The following MYO16 variants were observed in gnomAD, a reference collection of about 807,000 sequenced individuals.
MYO16 encodes the protein myosin XVI.
In MYO16, 94 loss-of-function variants were observed where a neutral mutation model predicts 205.3. The observed-to-expected ratio is 0.46, with a 90% confidence interval of 0.39 to 0.54. The LOEUF is 0.54. Ranked by LOEUF, MYO16 falls within the 20% of genes least tolerant of loss-of-function variation. The probability of loss-of-function intolerance (pLI) is 0.00; values close to 1 mark genes in which losing one functional copy is unlikely to be tolerated. For missense variants in MYO16, 2,315 were observed against 2,387.5 expected, an observed-to-expected ratio of 0.97 and a Z score of 0.63; for synonymous variants, 988 against 954.0, an observed-to-expected ratio of 1.04 and a Z score of -0.66.
chr13:109,046,193 CACTG>C (rs529090540), intron 23 of MYO16, among the ~76,000 whole-genome samples: 14 of 152,304 alleles, frequency 9.2e-5, no homozygotes, highest in Admixed American at 9.2e-4. Context: ...GACTATGACA[CACTG>C]ACCGTGGTCT....
intron 1 of MYO16, among the ~76,000 whole-genome samples, chr13:108,650,133 T>C (rs1176059288): frequency 6.6e-6 from 1 of 151,368 alleles, no homozygotes; most frequent in Non-Finnish European, 1.5e-5. Context: ...TATATCAAAA[T>C]AATATTTTAA....
Position 108,862,891 on chromosome 13 carries a change from A to G in MYO16, c.1360-3286A>G, listed in dbSNP as rs970349660. 5.9e-5 allele frequency among the ~76,000 whole-genome samples: 9 copies of G among 152,264 alleles called. No homozygotes were observed. In the South Asian group the frequency reaches 8.3e-4, roughly 14 times the overall value. ...TCTGGAGCAATTTTGATTTTTTGGT[A>G]TAGAAGTCTTTCCCATATTATTAAA... is the stretch of plus-strand genomic sequence containing the variant. On this transcript the variant is annotated intron_variant, in intron 11 of 34. Coordinates refer to ENST00000457511, the MANE Select transcript of MYO16 (RefSeq NM_001198950.3).
In MYO16 at chr13:109,019,763, C is replaced by T; in HGVS notation, c.2648C>T (p.Ser883Leu). 1 of 1,614,028 alleles carries T rather than the reference C, an allele frequency of 6.2e-7. No individual in the cohort carries two copies. Among genetic ancestry groups the T allele is most frequent in the Non-Finnish European group, 8.5e-7 (1 of 1,179,980 alleles). ...GATGAAGAAAGTCAAATGATTTGGT[C>T]AGTGGAATCAAATTTTCCAAAAAAA... ...LLDEESQMIW[S>L]VESNFPKKLQ... The change falls in exon 23 of 35, where the codon TCA becomes TTA. Residue 883 changes from serine (S) to leucine (L), a missense_variant. Ser to Leu is a moderately radical substitution (Grantham distance 145, BLOSUM62 -2). This residue lies in a region of MYO16 where 1,213 missense variants were observed against 1,274.4 expected (regional missense o/e 0.95). Transcript: ENST00000457511.
At chr13:108,695,202 G>A (rs1244092905) in intron 2 of MYO16, among the ~76,000 whole-genome samples, 1 of 152,186 alleles carries the variant, frequency 6.6e-6, no homozygotes, top group Non-Finnish European at 1.5e-5. Context: ...TTTTATATAT[G>A]TTGTGAGGTA....
In MYO16 at chr13:108,907,926, G is replaced by C. The variant is rs542549866; in HGVS notation, c.1778-2077G>C. ...TCTCATCTGATATTTCATGCCTAAAGGCTAGAAAAAATGGAAGATAATTTC... is the reference window on the plus strand; with the variant it reads ...TCTCATCTGATATTTCATGCCTAAACGCTAGAAAAAATGGAAGATAATTTC... On this transcript the variant is annotated intron_variant, in intron 15 of 34. Transcript: ENST00000457511. Among the ~76,000 whole-genome samples the C allele has an allele frequency of 2.0e-4, 30 of 152,060 alleles. No homozygotes were observed. In the South Asian group the frequency reaches 6.2e-3, roughly 32 times the overall value.
chr13:109,185,917 C>T (rs775675361), intron 34 of MYO16, among the ~76,000 whole-genome samples: 6 of 152,184 alleles, frequency 3.9e-5, no homozygotes, highest in Non-Finnish European at 5.9e-5. Context: ...GATTATTCTG[C>T]AAACAGCTTC....
intron 11 of MYO16, among the ~76,000 whole-genome samples, chr13:108,860,899 A>G (rs1428925089): frequency 6.6e-6 from 1 of 152,196 alleles, no homozygotes; most frequent in East Asian, 1.9e-4. Flanking sequence ...ACAGATTTCT[A>G]AATTCACTCA....
In MYO16 at chr13:109,079,862, C is replaced by CAA. The variant is rs371555507; in HGVS notation, c.3336-20923_3336-20922insAA. The stretch of plus-strand genomic sequence containing the variant: ...CTGCAATGATGGTTTTGTTTGAACA[C>CAA]TTTTATTTCTTTATTTCTTTTTTTT... On this transcript the variant is annotated intron_variant, in intron 27 of 34. Transcript: ENST00000457511. Among the ~76,000 whole-genome samples, 991 of 144,612 alleles carry CAA rather than the reference C, an allele frequency of 6.9e-3. 9 individuals are homozygous for CAA. The highest frequency in any genetic ancestry group is 0.024 in the African/African-American group (940 of 39,282). 94.9% of individuals were successfully genotyped at this position (144,612 alleles called of 152,430 possible).
chr13:108,684,444 A>C (rs1030370026), intron 2 of MYO16, among the ~76,000 whole-genome samples: 17 of 152,090 alleles, frequency 1.1e-4, no homozygotes, highest in African/African-American at 3.9e-4. Context: ...CAAGATATAT[A>C]TCTCTTATTG....
At chr13:108,838,904 A>G (rs1380047060) in intron 9 of MYO16, among the ~76,000 whole-genome samples, 1 of 152,072 alleles carries the variant, frequency 6.6e-6, no homozygotes, top group Non-Finnish European at 1.5e-5. Context: ...GCATTGTCCC[A>G]GTGGTGCTTG....
chr13:108,564,738 CT>C, the MYO16 span, among the ~76,000 whole-genome samples: 2 of 152,142 alleles, frequency 1.3e-5, no homozygotes. Flanking sequence ...GAACAATGTC[CT>C]AGAGAGTTTC....
At chr13:108,528,021 A>G in the MYO16 span, among the ~76,000 whole-genome samples, 9 of 152,210 alleles carry the variant, frequency 5.9e-5, no homozygotes, top group Non-Finnish European at 8.8e-5. Flanking sequence ...ACCTGATTCC[A>G]TTCATTTTGA....
intron 16 of MYO16, among the ~76,000 whole-genome samples, chr13:108,927,116 A>AAGAGAG (rs141822029): frequency 2.0e-5 from 3 of 149,456 alleles, no homozygotes; most frequent in East Asian, 2.0e-4. Context: ...TCAACAACTG[A>AAGAGAG]AGAGAGAGAG....
At chr13:108,990,807 G>T (rs1884803022) in intron 20 of MYO16, among the ~76,000 whole-genome samples, 1 of 152,012 alleles carries the variant, frequency 6.6e-6, no homozygotes, top group African/African-American at 2.4e-5. Context: ...GGATATTACA[G>T]AATTATGACT....
chr13:108,654,723 CT>C (rs1434544389), intron 1 of MYO16, among the ~76,000 whole-genome samples: 17 of 152,110 alleles, frequency 1.1e-4, no homozygotes, highest in African/African-American at 4.1e-4. Context: ...GACAAAAATG[CT>C]GATAGTGATA....
chr13:109,065,527 A>G (rs1887718394), intron 27 of MYO16: 7 of 230,280 alleles, frequency 3.0e-5, no homozygotes, highest in Admixed American at 1.6e-4. Flanking sequence ...GGCCATGCTG[A>G]AAAAAAAAAA....
intron 28 of MYO16, among the ~76,000 whole-genome samples, chr13:109,112,056 A>G (rs1308104522): frequency 6.6e-6 from 1 of 152,242 alleles, no homozygotes; most frequent in Non-Finnish European, 1.5e-5. Flanking sequence ...TTATTCAGTG[A>G]AAACTCCATT....
intron 33 of MYO16, among the ~76,000 whole-genome samples, chr13:109,169,919 T>A (rs189757507): frequency 7.2e-5 from 11 of 152,340 alleles, no homozygotes; most frequent in Admixed American, 2.0e-4. Context: ...TGGGGAAGAA[T>A]AATTGATTGC....
At chr13:108,750,897 A>T (rs548553612) in intron 4 of MYO16, among the ~76,000 whole-genome samples, 1 of 152,168 alleles carries the variant, frequency 6.6e-6, no homozygotes, top group Non-Finnish European at 1.5e-5. Context: ...TTTCTCATTG[A>T]TGCAGTGGGA....
Sources: gnomAD v4.1 joint callset for allele counts (sites outside exome capture counted in the v4.1 genomes callset) on GRCh38, gnomAD v4.1.1 for gene constraint, gnomAD v4.1.1 regional missense constraint, MANE v1.5 for transcripts, NCBI Gene and HGNC (gene_info 2026-07-23, HGNC 2026-07-21) for gene names.